Variants in LMNB2 observed in about 807,000 individuals in gnomAD.
The protein encoded by LMNB2 is lamin-B2.
LMNB2 carries 17 observed loss-of-function variants against 69.3 expected under a neutral mutation model. That is an observed-to-expected ratio of 0.25 (90% CI 0.17 to 0.37). The LOEUF (loss-of-function observed/expected upper bound fraction) is 0.37, where lower values mean the gene tolerates loss of function less well. LMNB2 is among the 10% of genes least tolerant of loss of function. LMNB2 has a pLI of 1.00. For missense variants in LMNB2, 789 were observed against 883.6 expected, an observed-to-expected ratio of 0.89 and a Z score of 1.36; for synonymous variants, 397 against 389.3, an observed-to-expected ratio of 1.02 and a Z score of -0.23.
At chr19:2,450,131 T>TACATATATATATATATAC (rs1568208680) in intron 1 of LMNB2, among the ~76,000 whole-genome samples, 70 of 134,564 alleles carry the variant, frequency 5.2e-4, no homozygotes, top group African/African-American at 2.0e-3. Flanking sequence ...CATATATATA[T>TACATATATATATATATAC]ATATTCCATT....
At chr19:2,455,768 T>G (rs1972079643) in intron 1 of LMNB2, among the ~76,000 whole-genome samples, 1 of 150,828 alleles carries the variant, frequency 6.6e-6, no homozygotes, top group South Asian at 2.1e-4. Flanking sequence ...TCTCGGAAAC[T>G]GCGGTGGGCA....
rs1462122286 is a variant in LMNB2 at position 2,447,595 on chromosome 19, AAGG to A, written c.265-3058_265-3056del. 6.6e-6 allele frequency among the ~76,000 whole-genome samples: 1 copy of A among 152,198 alleles called. No homozygotes were observed. Among genetic ancestry groups the A allele is most frequent in the Non-Finnish European group, 1.5e-5 (1 of 68,032 alleles). The stretch of plus-strand genomic sequence containing the variant: ...CTGCTCCGGCTCTGGCGCTGAGGAA[AAGG>A]AGGACCGGAGGATGGTAGGCGGAAC... On this transcript the variant is annotated intron_variant, in intron 1 of 11. Coordinates refer to ENST00000325327, the MANE Select transcript of LMNB2 (RefSeq NM_032737.4). The surrounding 1 kb of genome is among the most constrained non-coding windows in gnomAD (Gnocchi z 4.4).
chr19:2,454,665 C>T (rs1280621876), intron 1 of LMNB2, among the ~76,000 whole-genome samples: 2 of 152,154 alleles, frequency 1.3e-5, no homozygotes, highest in African/African-American at 2.4e-5. Context: ...GGGGACTGGG[C>T]GCTGCAAATC....
In LMNB2 at chr19:2,443,409, G is replaced by A. The variant is rs1220651917; in HGVS notation, c.401+995C>T. ...CGGCACTGTTGGACACAGGGTCCCC[G>A]GTCATTCCTCTGGCCACACTCCAAC... is the stretch of plus-strand genomic sequence containing the variant. On this transcript the variant is annotated intron_variant, in intron 2 of 11. Transcript: ENST00000325327. The surrounding 1 kb of genome is among the most constrained non-coding windows in gnomAD (Gnocchi z 6.2). 1.3e-5 allele frequency among the ~76,000 whole-genome samples: 2 copies of A among 152,148 alleles called. No individual in the cohort carries two copies. The highest frequency in any genetic ancestry group is 2.1e-4 in the South Asian group (1 of 4,828).
intron 1 of LMNB2, among the ~76,000 whole-genome samples, chr19:2,449,019 G>A (rs1971990137): frequency 6.6e-6 from 1 of 152,114 alleles, no homozygotes; most frequent in South Asian, 2.1e-4. Flanking sequence ...TGCCCCAATA[G>A]CTGGGACTAT....
chr19:2,456,526 G>C lies in LMNB2; in HGVS notation c.264+144C>G. ...GCCGAGCTGCACCCCTCACTCAGGG[G>C]CCCCCCGAAACCCCGCGGAAACCCC... is the stretch of plus-strand genomic sequence containing the variant. On this transcript the variant is annotated intron_variant, in intron 1 of 11. Transcript: ENST00000325327. The C allele has an allele frequency of 3.6e-6, 3 of 836,822 alleles. No homozygotes were observed. In the South Asian group the frequency reaches 1.1e-4, roughly 30 times the overall value. 51.8% of individuals were successfully genotyped at this position (836,822 alleles called of 1,614,324 possible).
intron 1 of LMNB2, among the ~76,000 whole-genome samples, chr19:2,455,251 C>T (rs573046736): frequency 1.2e-4 from 19 of 152,158 alleles, no homozygotes; most frequent in African/African-American, 4.1e-4. Context: ...TGACTCACCC[C>T]AGAGACTCCA....
intron 6 of LMNB2, 122 bp from the exon 7 acceptor site, chr19:2,434,637 G>A: frequency 6.7e-7 from 1 of 1,496,202 alleles, no homozygotes; most frequent in Non-Finnish European, 9.0e-7. Context: ...CCTGGGCATG[G>A]GGCGCACGGG....
intron 1 of LMNB2, among the ~76,000 whole-genome samples, chr19:2,449,534 C>T (rs1971996095): frequency 6.6e-6 from 1 of 152,190 alleles, no homozygotes; most frequent in Non-Finnish European, 1.5e-5. Flanking sequence ...AATCCCAGCA[C>T]TTTGGGAGGC....
At chr19:2,455,655 A>G (rs1470887072) in intron 1 of LMNB2, among the ~76,000 whole-genome samples, 1 of 151,994 alleles carries the variant, frequency 6.6e-6, no homozygotes, top group African/African-American at 2.4e-5. Context: ...TAGGTGGGGC[A>G]TTCCTGGTCT....
chr19:2,430,436 C>T lies in LMNB2; in HGVS notation c.*475G>A. On this transcript the variant is annotated 3_prime_UTR_variant, in exon 12 of 12. Transcript: ENST00000325327. ...GGAGTTCCCGCTGTCCGAAGCTGGGCAGCCAGAATGCAGGCTTGGCCCCGG... is the reference window on the plus strand; with the variant it reads ...GGAGTTCCCGCTGTCCGAAGCTGGGTAGCCAGAATGCAGGCTTGGCCCCGG... 4.0e-6 allele frequency: 1 copy of T among 248,750 alleles called. No individual in the cohort carries two copies. Among genetic ancestry groups the T allele is most frequent in the South Asian group, 4.6e-5 (1 of 21,592 alleles). The allele number at this position is 248,750 out of a possible 1,614,324, so 15.4% of individuals were successfully genotyped here.
rs1972047583 is a variant in LMNB2 at position 2,453,106 on chromosome 19, TG to T, written c.264+3563del. Among the ~76,000 whole-genome samples the T allele has an allele frequency of 6.6e-6, 1 of 150,546 alleles. No individual in the cohort carries two copies. Among genetic ancestry groups the T allele is most frequent in the South Asian group, 2.1e-4 (1 of 4,716 alleles). ...CCTCGTGAGGGCTGCGTCATCCTCG[TG>T]GGGGCCAGGTGATTCTCTTCTCGGG... On this transcript the variant is annotated intron_variant, in intron 1 of 11. Transcript: ENST00000325327. The surrounding 1 kb of genome is among the most constrained non-coding windows in gnomAD (Gnocchi z 4.4).
At chr19:2,431,144 A>G (rs535125264) in intron 11 of LMNB2, among the ~76,000 whole-genome samples, 192 bp from the exon 12 acceptor site, 1 of 152,342 alleles carries the variant, frequency 6.6e-6, no homozygotes, top group East Asian at 1.9e-4. Context: ...TCTGGGTTCC[A>G]AAACAGTCAC....
At chr19:2,434,571 G>A in intron 6 of LMNB2, 56 bp from the exon 7 acceptor site, 3 of 1,578,444 alleles carry the variant, frequency 1.9e-6, no homozygotes, top group South Asian at 2.2e-5. Context: ...CAAGGCCCAG[G>A]TGATCCTGGG....
Position 2,443,833 on chromosome 19 carries a change from A to G in LMNB2, c.401+571T>C, listed in dbSNP as rs1450169246. 6.6e-6 allele frequency among the ~76,000 whole-genome samples: 1 copy of G among 152,150 alleles called. No individual in the cohort carries two copies. The highest frequency in any genetic ancestry group is 1.5e-5 in the Non-Finnish European group (1 of 68,022). On this transcript the variant is annotated intron_variant, in intron 2 of 11. Coordinates refer to ENST00000325327, the MANE Select transcript of LMNB2 (RefSeq NM_032737.4). The surrounding 1 kb of genome is among the most constrained non-coding windows in gnomAD (Gnocchi z 6.2). ...CCACGCCCAGAATCAGGCAAGACTC[A>G]CTGCCAGGCTGAGAGGGGAGATCGT... is the stretch of plus-strand genomic sequence containing the variant.
Position 2,431,645 on chromosome 19 carries a change from C to T in LMNB2, c.1724G>A (p.Arg575Lys). The change falls in exon 11 of 12, where the codon AGG becomes AAG. Residue 575 changes from arginine to lysine, a missense_variant. Arg to Lys is a conservative substitution (Grantham distance 26, BLOSUM62 2). This residue lies in a region of LMNB2 where 609 missense variants were observed against 630.9 expected (regional missense o/e 0.97). Coordinates refer to ENST00000325327, the MANE Select transcript of LMNB2 (RefSeq NM_032737.4). ...CATCACCGAGGACTTCTTCACAGTC[C>T]TCATGGCCACTTCCTGTGCGGGACA... ...VNADGEEVAM[R>K]TVKKSSVMRE... 1 of 1,614,170 alleles carries T rather than the reference C, an allele frequency of 6.2e-7. No individual in the cohort carries two copies. The highest frequency in any genetic ancestry group is 1.1e-5 in the South Asian group (1 of 91,086).
chr19:2,431,076 G>A, intron 11 of LMNB2, 124 bp from the exon 12 acceptor site: 1 of 724,400 alleles, frequency 1.4e-6, no homozygotes, highest in South Asian at 1.5e-5. Flanking sequence ...TCTATTTCTA[G>A]AGCCTTCCAT....
rs1029986411 is a variant in LMNB2 at position 2,430,597 on chromosome 19, G to A, written c.*314C>T. On this transcript the variant is annotated 3_prime_UTR_variant, in exon 12 of 12. Coordinates refer to ENST00000325327, the MANE Select transcript of LMNB2 (RefSeq NM_032737.4). Reference sequence around the variant, plus strand: ...CGTCTCCTGTCCCCTCGCTAGCCTCGCCGGCCCTCCTCCCTCCAAGCCCAA... The same window carrying A: ...CGTCTCCTGTCCCCTCGCTAGCCTCACCGGCCCTCCTCCCTCCAAGCCCAA... 1.7e-5 allele frequency: 8 copies of A among 460,826 alleles called. No homozygotes were observed. Among genetic ancestry groups the A allele is most frequent in the Admixed American group, 1.4e-4 (4 of 29,608 alleles). The allele number at this position is 460,826 out of a possible 1,614,324, so 28.5% of individuals were successfully genotyped here.
chr19:2,431,600 T>G lies in LMNB2; in HGVS notation c.1769A>C (p.Glu590Ala). 6.2e-7 allele frequency: 1 copy of G among 1,614,030 alleles called. No homozygotes were observed. Among genetic ancestry groups the G allele is most frequent in the South Asian group, 1.1e-5 (1 of 91,074 alleles). The change falls in exon 11 of 12, where the codon GAG (glutamate) becomes GCG (alanine). Residue 590 changes from glutamate (E) to alanine (A), a missense_variant. Glu to Ala is a moderately radical substitution (Grantham distance 107, BLOSUM62 -1). Transcript: ENST00000325327. ...AAACTCGGCTTCCTCCTCCTCTTCC[T>G]CCCCATTCTCATTCTCACGCATCAC... ...SSVMRENENG[E>A]EEEEEAEFGE...
Sources: gnomAD v4.1 joint callset for allele counts (sites outside exome capture counted in the v4.1 genomes callset) on GRCh38, gnomAD v4.1.1 for gene constraint, gnomAD v4.1.1 regional missense constraint, Gnocchi (gnomAD v3.1) non-coding constraint, MANE v1.5 for transcripts, NCBI Gene and HGNC (gene_info 2026-07-23, HGNC 2026-07-21) for gene names.